The following CAMK1D variants were observed in gnomAD, a reference collection of about 807,000 sequenced individuals.
CAMK1D encodes the protein calcium/calmodulin-dependent protein kinase type 1D.
In CAMK1D, 9 loss-of-function variants were observed where a neutral mutation model predicts 47.7. The observed-to-expected ratio is 0.19, with a 90% CI of 0.11 to 0.33. The LOEUF (loss-of-function observed/expected upper bound fraction) is 0.33. Among genes scored for constraint, CAMK1D ranks in the 10% least tolerant of loss-of-function variants. The pLI, the probability that CAMK1D is intolerant of heterozygous loss-of-function variation, is 1.00. For missense variants in CAMK1D, 291 were observed against 488.7 expected (o/e 0.60, Z 3.81); for synonymous variants, 184 against 184.9 (o/e 0.99, Z 0.04).
intron 1 of CAMK1D, among the ~76,000 whole-genome samples, chr10:12,376,809 A>G (rs1427035625): frequency 6.6e-6 from 1 of 150,484 alleles, no homozygotes; most frequent in African/African-American, 2.5e-5. Context: ...GCTGGAGTAC[A>G]GTGGCGTGAT....
chr10:12,800,452 TACTG>T (rs1442126398), intron 6 of CAMK1D, among the ~76,000 whole-genome samples: 57 of 152,366 alleles, frequency 3.7e-4, no homozygotes, highest in Non-Finnish European at 2.9e-5. Context: ...ATATGTTAAA[TACTG>T]ACCGAGTGCC....
chr10:12,816,525 A>T (rs145735385), intron 8 of CAMK1D, among the ~76,000 whole-genome samples, 197 bp downstream of exon 8: 1 of 152,242 alleles, frequency 6.6e-6, no homozygotes, highest in Non-Finnish European at 1.5e-5. Context: ...AGCTTCTGGA[A>T]GCACCATGAG....
rs752724838 is a variant in CAMK1D, at chr10:12,349,803, G to C, written c.-16G>C. 1.4e-6 allele frequency: 2 copies of C among 1,387,476 alleles called. No homozygotes were observed. Among genetic ancestry groups the C allele is most frequent in the Admixed American group, 2.2e-5 (1 of 44,616 alleles). 85.9% of individuals were successfully genotyped at this position (1,387,476 alleles called of 1,614,324 possible). A position where few individuals can be genotyped will look rare whatever the true frequency, so the allele number is the denominator to read the frequency against. On this transcript the variant is annotated 5_prime_UTR_variant, in exon 1 of 11. Transcript: ENST00000619168. ...AGCGCGCCCCCGGCCGCTCCTCCGC[G>C]CCGCGCTCGTCGGCCATGGCCCGGG... is the stretch of plus-strand genomic sequence containing the variant.
intron 2 of CAMK1D, among the ~76,000 whole-genome samples, chr10:12,577,656 C>T (rs113569852): frequency 0.019 from 2,852 of 152,246 alleles, 109 homozygotes; most frequent in African/African-American, 0.064. Flanking sequence ...CACCAGTTCT[C>T]GATTGGTTCA....
At chr10:12,819,897 A>T (rs1054339107) in intron 8 of CAMK1D, among the ~76,000 whole-genome samples, 1 of 152,132 alleles carries the variant, frequency 6.6e-6, no homozygotes, top group Non-Finnish European at 1.5e-5. Context: ...GGGACGGAGA[A>T]GCCATGGGCA....
chr10:12,366,060 AAAC>A (rs1837825274), intron 1 of CAMK1D, among the ~76,000 whole-genome samples: 1 of 152,196 alleles, frequency 6.6e-6, no homozygotes, highest in African/African-American at 2.4e-5. Context: ...CGTCTCAAAA[AAAC>A]ACGTTTCCTT....
intron 2 of CAMK1D, among the ~76,000 whole-genome samples, chr10:12,563,164 G>A (rs1334772608): frequency 2.0e-5 from 3 of 152,224 alleles, no homozygotes; most frequent in Non-Finnish European, 4.4e-5. Flanking sequence ...GGGAGCCGAC[G>A]TCCAAGGGCC....
intron 3 of CAMK1D, among the ~76,000 whole-genome samples, chr10:12,723,753 ATTC>A (rs1288908832): frequency 6.6e-6 from 1 of 152,150 alleles, no homozygotes; most frequent in East Asian, 1.9e-4. Flanking sequence ...TTGTTTTGAC[ATTC>A]TTTTTTTATA....
intron 3 of CAMK1D, among the ~76,000 whole-genome samples, chr10:12,689,487 G>A (rs1832788519): frequency 6.6e-6 from 1 of 152,106 alleles, no homozygotes; most frequent in African/African-American, 2.4e-5. Context: ...TTAAGAATTG[G>A]TTTGAACTTG....
At chr10:12,381,316 G>GA (rs1249908512) in intron 1 of CAMK1D, among the ~76,000 whole-genome samples, 1 of 151,766 alleles carries the variant, frequency 6.6e-6, no homozygotes, top group African/African-American at 2.4e-5. Flanking sequence ...AAAAATGTCG[G>GA]AAGGACTAGA....
chr10:12,459,432 G>A (rs908625064), intron 1 of CAMK1D, among the ~76,000 whole-genome samples: 3 of 151,976 alleles, frequency 2.0e-5, no homozygotes, highest in Middle Eastern at 3.4e-3. Context: ...TTACTGTGAC[G>A]AGTCTATTTT....
intron 1 of CAMK1D, among the ~76,000 whole-genome samples, chr10:12,414,398 T>C (rs1839773983): frequency 1.3e-5 from 2 of 152,230 alleles, no homozygotes; most frequent in Non-Finnish European, 2.9e-5. Flanking sequence ...TGAAATTATC[T>C]TTTTCCTCTG....
At chr10:12,588,889 CGTGT>C (rs1191222767) in intron 2 of CAMK1D, among the ~76,000 whole-genome samples, 3 of 147,240 alleles carry the variant, frequency 2.0e-5, no homozygotes, top group Admixed American at 6.6e-5. Context: ...TGTGTGCGTG[CGTGT>C]GTGTGTGTGT....
At chr10:12,608,419 A>T (rs1456909833) in intron 2 of CAMK1D, among the ~76,000 whole-genome samples, 4 of 152,194 alleles carry the variant, frequency 2.6e-5, no homozygotes, top group Non-Finnish European at 5.9e-5. Flanking sequence ...ACTCTGTCTC[A>T]AAAAAAGAAC....
chr10:12,578,030 C>G (rs1837545902), intron 2 of CAMK1D, among the ~76,000 whole-genome samples: 1 of 152,208 alleles, frequency 6.6e-6, no homozygotes, highest in Non-Finnish European at 1.5e-5. Flanking sequence ...TATCTTACAT[C>G]CTCACAGCAA....
intron 2 of CAMK1D, among the ~76,000 whole-genome samples, chr10:12,605,504 T>C (rs984341320): frequency 6.6e-6 from 1 of 152,100 alleles, no homozygotes; most frequent in Non-Finnish European, 1.5e-5. Context: ...GCCCAGCACC[T>C]GGTGATTCCA....
At chr10:12,546,828 G>C (rs1427201620) in intron 1 of CAMK1D, among the ~76,000 whole-genome samples, 1 of 149,018 alleles carries the variant, frequency 6.7e-6, no homozygotes, top group Non-Finnish European at 1.5e-5. Flanking sequence ...GGGTGGGGGA[G>C]GGATAGCATT....
chr10:12,727,449 G>A lies in CAMK1D; in HGVS notation c.300-33499G>A, dbSNP rs532896761. ...CCTAAGGAATTTGTGTTTTGACAACGTTTGCACTGTGATTGAGAATAGTGT... is the reference window on the plus strand; with the variant it reads ...CCTAAGGAATTTGTGTTTTGACAACATTTGCACTGTGATTGAGAATAGTGT... On this transcript the variant is annotated intron_variant, in intron 3 of 10. Coordinates refer to ENST00000619168, the MANE Select transcript of CAMK1D (RefSeq NM_153498.4). 1.5e-4 allele frequency among the ~76,000 whole-genome samples: 23 copies of A among 152,290 alleles called. No individual in the cohort carries two copies. The South Asian group carries it at 2.5e-3, about 16-fold the overall frequency.
intron 3 of CAMK1D, among the ~76,000 whole-genome samples, chr10:12,742,874 C>A (rs1835495292): frequency 6.6e-6 from 1 of 152,128 alleles, no homozygotes; most frequent in Non-Finnish European, 1.5e-5. Context: ...GTTTATTCTT[C>A]AAGAGGAGAG....
Sources: allele counts gnomAD v4.1 joint callset (sites outside exome capture counted in the v4.1 genomes callset), GRCh38; gene constraint gnomAD v4.1.1; transcripts MANE v1.5; gene names NCBI Gene and HGNC (gene_info 2026-07-23, HGNC 2026-07-21).